KCNMB2: variants seen among roughly 807,000 people sequenced by gnomAD.
The protein encoded by KCNMB2 is potassium calcium-activated channel subfamily M regulatory beta subunit 2, also known as calcium-activated potassium channel subunit beta-2.
In KCNMB2, 9 loss-of-function variants were observed where a neutral mutation model predicts 24.5. That is an observed-to-expected ratio of 0.37 (90% CI 0.22 to 0.64). The LOEUF is 0.64. Ranked by LOEUF, KCNMB2 falls within the 30% of genes least tolerant of loss-of-function variation. The pLI is 0.63. For synonymous variants in KCNMB2, 109 were observed against 104.4 expected (o/e 1.04, Z -0.27); for missense variants, 226 against 284.3 (o/e 0.79, Z 1.47).
intron 1 of KCNMB2, among the ~76,000 whole-genome samples, chr3:178,580,042 A>C (rs1159404282): frequency 6.6e-6 from 1 of 152,128 alleles, no homozygotes; most frequent in East Asian, 1.9e-4. Flanking sequence ...ATCCTGATAC[A>C]AAAACCTGGC....
chr3:178,812,157 G>A (rs1292340996), intron 2 of KCNMB2, among the ~76,000 whole-genome samples: 8 of 151,998 alleles, frequency 5.3e-5, no homozygotes, highest in Non-Finnish European at 8.8e-5. Context: ...CTATATGTAT[G>A]TAAATAGCTT....
rs531233324 is a variant in KCNMB2 at position 178,610,192 on chromosome 3, T to C, written c.-68+73481T>C. Among the ~76,000 whole-genome samples the C allele has an allele frequency of 6.3e-4, 96 of 152,358 alleles. 1 individual carries two copies. The highest frequency in any genetic ancestry group is 2.3e-3 in the African/African-American group (95 of 41,586). On this transcript the variant is annotated intron_variant, in intron 1 of 4. Coordinates refer to ENST00000452583, the MANE Select transcript of KCNMB2 (RefSeq NM_181361.3). ...TGTTTACTGTAGCTCTGTAGTATAC[T>C]TTGAGGTCAGGTAATGTGATTCCTC...
At chr3:178,787,191 C>T (rs976613213) in intron 1 of KCNMB2, among the ~76,000 whole-genome samples, 2 of 152,050 alleles carry the variant, frequency 1.3e-5, no homozygotes, top group Non-Finnish European at 2.9e-5. Flanking sequence ...ACCTTTACAC[C>T]GATTTTATCT....
chr3:178,693,924 A>C (rs1721775666), intron 1 of KCNMB2, among the ~76,000 whole-genome samples: 1 of 142,608 alleles, frequency 7.0e-6, no homozygotes, highest in Admixed American at 7.1e-5. Context: ...ACTATTTATT[A>C]CTGCCTCAAT....
intron 1 of KCNMB2, among the ~76,000 whole-genome samples, chr3:178,571,485 T>TATAC (rs1212687167): frequency 1.4e-5 from 2 of 140,358 alleles, no homozygotes; most frequent in Non-Finnish European, 3.1e-5. Context: ...TATATATATA[T>TATAC]ACTTTTTTCT....
intron 1 of KCNMB2, among the ~76,000 whole-genome samples, chr3:178,645,296 C>T (rs1004203414): frequency 4.6e-5 from 7 of 151,952 alleles, no homozygotes; most frequent in African/African-American, 7.3e-5. Flanking sequence ...GCAATCTGCC[C>T]GCCTCGGCCT....
chr3:178,700,189 T>C (rs1158290060), intron 1 of KCNMB2, among the ~76,000 whole-genome samples: 1 of 152,222 alleles, frequency 6.6e-6, no homozygotes, highest in Non-Finnish European at 1.5e-5. Context: ...TACATTAATT[T>C]TACAATGCAA....
intron 3 of KCNMB2, among the ~76,000 whole-genome samples, chr3:178,827,188 G>T (rs571396748): frequency 1.3e-5 from 2 of 152,200 alleles, no homozygotes; most frequent in East Asian, 3.9e-4. Flanking sequence ...ATCAATTGCT[G>T]GTGTGTTAAT....
intron 1 of KCNMB2, among the ~76,000 whole-genome samples, chr3:178,642,603 T>C (rs1275781210): frequency 1.3e-5 from 2 of 152,256 alleles, no homozygotes; most frequent in African/African-American, 4.8e-5. Context: ...GATCCTCTCA[T>C]CAGGTTTTTA....
At chr3:178,550,049 A>G (rs1040429975) in intron 1 of KCNMB2, among the ~76,000 whole-genome samples, 4 of 152,180 alleles carry the variant, frequency 2.6e-5, no homozygotes, top group African/African-American at 4.8e-5. Context: ...TGTTGGCTAT[A>G]TAAGTAAATT....
At chr3:178,684,772 G>T (rs535823639) in intron 1 of KCNMB2, among the ~76,000 whole-genome samples, 2 of 152,028 alleles carry the variant, frequency 1.3e-5, no homozygotes, top group Non-Finnish European at 2.9e-5. Flanking sequence ...TGGAGGTTGC[G>T]GTGAGCCGAG....
intron 1 of KCNMB2, among the ~76,000 whole-genome samples, chr3:178,714,371 C>T (rs528961073): frequency 6.6e-6 from 1 of 152,278 alleles, no homozygotes; most frequent in African/African-American, 2.4e-5. Flanking sequence ...CTCCTGGACT[C>T]ATGAGGAGGG....
intron 1 of KCNMB2, among the ~76,000 whole-genome samples, chr3:178,761,785 C>A (rs1042582774): frequency 6.6e-6 from 1 of 152,136 alleles, no homozygotes; most frequent in Non-Finnish European, 1.5e-5. Flanking sequence ...CCTAATATCA[C>A]GCATTGACCA....
chr3:178,812,388 T>G (rs1219262782), intron 2 of KCNMB2, among the ~76,000 whole-genome samples: 1 of 74,812 alleles, frequency 1.3e-5, no homozygotes. Flanking sequence ...CCCTCCCCCC[T>G]CCCCCCACCC....
At chr3:178,556,759 C>T (rs1283074673) in intron 1 of KCNMB2, among the ~76,000 whole-genome samples, 1 of 152,116 alleles carries the variant, frequency 6.6e-6, no homozygotes, top group South Asian at 2.1e-4. Flanking sequence ...CAGGAGAATG[C>T]AGAATCACAG....
chr3:178,656,099 A>T (rs1050475570), intron 1 of KCNMB2, among the ~76,000 whole-genome samples: 20 of 152,362 alleles, frequency 1.3e-4, no homozygotes, highest in African/African-American at 4.8e-4. Flanking sequence ...TAAACATGAT[A>T]GAAAACAGGC....
intron 1 of KCNMB2, 31 bp downstream of exon 1, chr3:178,536,742 G>C (rs569645088): frequency 4.7e-4 from 72 of 152,520 alleles, no homozygotes; most frequent in African/African-American, 1.7e-3. Flanking sequence ...AAAGGAATCT[G>C]TTGCTGTTTC....
chr3:178,639,733 CCT>C (rs1398188366), intron 1 of KCNMB2, among the ~76,000 whole-genome samples: 5 of 152,132 alleles, frequency 3.3e-5, no homozygotes, highest in African/African-American at 1.2e-4. Flanking sequence ...ACTTCTCAGG[CCT>C]CTTGGAAATT....
chr3:178,660,767 T>G (rs1053133621), intron 1 of KCNMB2, among the ~76,000 whole-genome samples: 1 of 152,092 alleles, frequency 6.6e-6, no homozygotes, highest in Non-Finnish European at 1.5e-5. Flanking sequence ...GGGTCAAGAC[T>G]TCAAATCCTG....
Sources: gnomAD v4.1 joint callset for allele counts (sites outside exome capture counted in the v4.1 genomes callset) on GRCh38, gnomAD v4.1.1 for gene constraint, MANE v1.5 for transcripts, NCBI Gene and HGNC (gene_info 2026-07-23, HGNC 2026-07-21) for gene names.